The following ANGPTL1 variants were observed in gnomAD, a reference collection of about 807,000 sequenced individuals.
ANGPTL1 encodes angiopoietin like 1.
Under a neutral mutation model 46.7 loss-of-function variants are expected in ANGPTL1, and 36 were observed. The observed-to-expected ratio is 0.77, with a 90% CI of 0.59 to 1.02. ANGPTL1 has a LOEUF of 1.02. ANGPTL1 is among the 50% of genes least tolerant of loss of function. The pLI, the probability that ANGPTL1 is intolerant of heterozygous loss-of-function variation, is 0.00. For missense variants in ANGPTL1, 571 were observed against 594.7 expected (o/e 0.96, Z 0.41); for synonymous variants, 221 against 204.3 (o/e 1.08, Z -0.69).
intron 3 of ANGPTL1, among the ~76,000 whole-genome samples, chr1:178,859,937 T>C (rs966909840): frequency 6.6e-6 from 1 of 151,524 alleles, no homozygotes; most frequent in Non-Finnish European, 1.5e-5. Context: ...CAGGATGGTC[T>C]CGATCTCCTG....
intron 3 of ANGPTL1, among the ~76,000 whole-genome samples, chr1:178,858,649 T>C (rs1657751490): frequency 6.6e-6 from 1 of 152,174 alleles, no homozygotes; most frequent in Non-Finnish European, 1.5e-5. Context: ...AAAGTTTACA[T>C]AGGGCTAATG....
Position 178,865,403 on chromosome 1 carries a change from T to A in ANGPTL1, c.374A>T (p.Asn125Ile). The A allele has an allele frequency of 6.2e-7, 1 of 1,614,094 alleles. No individual in the cohort carries two copies. The highest frequency in any genetic ancestry group is 1.1e-5 in the South Asian group (1 of 91,090). The change falls in exon 3 of 6, where the codon AAC becomes ATC. Residue 125 changes from asparagine to isoleucine, a missense_variant. By Grantham distance (149) the Asn-to-Ile change is moderately radical. Transcript: ENST00000234816. ...GAGTTGAGTAACACGAGAGTTCATG[T>A]TACGGCTTTCCTTTCTCAGCAGCTT... ...EVKLLRKESR[N>I]MNSRVTQLYM...
chr1:178,870,640 G>A (rs1220265964), intron 1 of ANGPTL1, 101 bp downstream of exon 1: 2 of 151,998 alleles, frequency 1.3e-5, no homozygotes, highest in African/African-American at 4.8e-5. Context: ...ATATTCCAAA[G>A]GTCTTTGTTT....
chr1:178,851,442 G>T, intron 5 of ANGPTL1, 126 bp from the exon 6 acceptor site: 1 of 843,526 alleles, frequency 1.2e-6, no homozygotes, highest in South Asian at 3.1e-5. Context: ...CTTTATCTCA[G>T]CAGTTTTAAA....
chr1:178,868,358 A>T (rs986648951), intron 2 of ANGPTL1, among the ~76,000 whole-genome samples: 4 of 151,912 alleles, frequency 2.6e-5, no homozygotes, highest in African/African-American at 9.7e-5. Flanking sequence ...CTATATATTT[A>T]ATTTAACTTA....
intron 3 of ANGPTL1, among the ~76,000 whole-genome samples, chr1:178,859,560 C>T (rs966353003): frequency 4.0e-5 from 6 of 150,964 alleles, no homozygotes; most frequent in African/African-American, 1.5e-4. Context: ...CCCGCCACTA[C>T]GAAGTTTTAA....
At chr1:178,858,551 G>A (rs535170269) in intron 3 of ANGPTL1, among the ~76,000 whole-genome samples, 1 of 152,064 alleles carries the variant, frequency 6.6e-6, no homozygotes, top group East Asian at 1.9e-4. Context: ...ACTATTTTTT[G>A]CAAGAGTCTT....
At chr1:178,862,171 C>A (rs111693109) in intron 3 of ANGPTL1, among the ~76,000 whole-genome samples, 3 of 151,904 alleles carry the variant, frequency 2.0e-5, no homozygotes, top group African/African-American at 7.3e-5. Flanking sequence ...CCATGCCCGG[C>A]GAGGATATTA....
At chr1:178,864,827 AC>A in intron 3 of ANGPTL1, 126 bp downstream of exon 3, 1 of 556,084 alleles carries the variant, frequency 1.8e-6, no homozygotes, top group Non-Finnish European at 2.7e-6. Flanking sequence ...TTAATAAAAA[AC>A]AATAGAAATT....
At chr1:178,856,202 G>GATAGATATATATATAT (rs1553271351) in intron 3 of ANGPTL1, among the ~76,000 whole-genome samples, 3 of 83,910 alleles carry the variant, frequency 3.6e-5, no homozygotes, top group African/African-American at 1.9e-4. Flanking sequence ...GAGAGAGAGA[G>GATAGATATATATATAT]ATATATATAT....
chr1:178,857,579 A>G (rs182115327), intron 3 of ANGPTL1, among the ~76,000 whole-genome samples: 16 of 152,312 alleles, frequency 1.1e-4, no homozygotes, highest in Admixed American at 6.5e-4. Context: ...TTTAAAACCT[A>G]TTAGTATTAT....
chr1:178,860,635 C>T (rs1010071088), intron 3 of ANGPTL1, among the ~76,000 whole-genome samples: 17 of 152,184 alleles, frequency 1.1e-4, no homozygotes, highest in African/African-American at 3.6e-4. Flanking sequence ...CACAATTCTA[C>T]TTTCTGTCTA....
At chr1:178,853,520 A>T in intron 4 of ANGPTL1, 74 bp downstream of exon 4, 1 of 1,190,690 alleles carries the variant, frequency 8.4e-7, no homozygotes, top group Non-Finnish European at 1.1e-6. Context: ...TATTTATTGC[A>T]TAGCATCTTG....
rs746632905 is a variant in ANGPTL1 at position 178,865,545 on chromosome 1, C to A, written c.232G>T (p.Asp78Tyr). Residue 78 changes from aspartate (D) to tyrosine (Y), a missense_variant, in exon 3 of 6, where the codon GAC becomes TAC. Asp to Tyr is a radical substitution (Grantham distance 160). Transcript: ENST00000234816. ...TCAAGGTCCATCCTGGTGATCATGTCTTTAATGGTACTTGCATCTTGCCCC... is the reference window on the plus strand; with the variant it reads ...TCAAGGTCCATCCTGGTGATCATGTATTTAATGGTACTTGCATCTTGCCCC... The part of the protein sequence containing the change: ...TKGQDASTIK[D>Y]MITRMDLENL... 5 of 1,614,004 alleles carry A rather than the reference C, an allele frequency of 3.1e-6. No homozygotes were observed. The African/African-American group carries it at 6.7e-5, about 22-fold the overall frequency.
At chr1:178,864,257 C>T (rs1388480395) in intron 3 of ANGPTL1, among the ~76,000 whole-genome samples, 1 of 152,122 alleles carries the variant, frequency 6.6e-6, no homozygotes, top group African/African-American at 2.4e-5. Flanking sequence ...AGTTTGGAAT[C>T]ATGCATGATC....
chr1:178,854,496 T>C (rs915750864), intron 3 of ANGPTL1, among the ~76,000 whole-genome samples: 2 of 152,064 alleles, frequency 1.3e-5, no homozygotes, highest in Non-Finnish European at 2.9e-5. Context: ...ATCTTAAATT[T>C]CCCCCAACAA....
chr1:178,866,399 A>G (rs1201666624), intron 2 of ANGPTL1, among the ~76,000 whole-genome samples: 2 of 152,174 alleles, frequency 1.3e-5, no homozygotes, highest in Non-Finnish European at 2.9e-5. Flanking sequence ...TTAGCATCAC[A>G]TGCTTTTTAT....
In ANGPTL1 at chr1:178,852,907, T is replaced by G; in HGVS notation, c.1064A>C (p.Asn355Thr). Residue 355 changes from asparagine (N) to threonine (T), a missense_variant, in exon 5 of 6, where the codon AAT becomes ACT. Coordinates refer to ENST00000234816, the MANE Select transcript of ANGPTL1 (RefSeq NM_004673.4). ...ATCTTGATTGCTAAGCATATAGATA[T>G]TTTCCAGTCCAAGCCAGTATTCTCC... ...IDGEYWLGLE[N>T]IYMLSNQDNY... The G allele has an allele frequency of 6.2e-7, 1 of 1,613,712 alleles. No individual in the cohort carries two copies.
At position 178,851,014 on chromosome 1, in the gene ANGPTL1, T is replaced by A. The variant is rs1657137345; in HGVS notation, c.*115A>T. ...TTTATAGTTACGGTAAAATTCATTT[T>A]AAAAACTTTCTGTGTAGAAATAAAT... On this transcript the variant is annotated 3_prime_UTR_variant, in exon 6 of 6. Coordinates refer to ENST00000234816, the MANE Select transcript of ANGPTL1 (RefSeq NM_004673.4). 1 of 1,022,690 alleles carries A rather than the reference T, an allele frequency of 9.8e-7. No homozygotes were observed. Among genetic ancestry groups the A allele is most frequent in the South Asian group, 2.8e-5 (1 of 36,150 alleles). 63.4% of individuals were successfully genotyped at this position (1,022,690 alleles called of 1,614,324 possible).
Sources: allele counts gnomAD v4.1 joint callset (sites outside exome capture counted in the v4.1 genomes callset), GRCh38; gene constraint gnomAD v4.1.1; transcripts MANE v1.5; gene names NCBI Gene and HGNC (gene_info 2026-07-23, HGNC 2026-07-21).